Variants in TSNAXIP1 observed in about 807,000 individuals in gnomAD.
The protein encoded by TSNAXIP1 is translin-associated factor X-interacting protein 1.
TSNAXIP1 carries 89 observed loss-of-function variants against 84.8 expected under a neutral mutation model. The observed-to-expected ratio is 1.05, with a 90% CI of 0.88 to 1.25. The LOEUF is 1.25. TSNAXIP1 is among the 50% of genes most tolerant of loss of function. TSNAXIP1 has a pLI of 0.00. For missense variants in TSNAXIP1, 874 were observed against 887.6 expected (o/e 0.98, Z 0.20); for synonymous variants, 347 against 335.2 (o/e 1.04, Z -0.39).
chr16:67,820,692 C>G, intron 2 of TSNAXIP1, 147 bp from the exon 3 acceptor site: 1 of 546,722 alleles, frequency 1.8e-6, no homozygotes, highest in Non-Finnish European at 3.1e-6. Flanking sequence ...TGCAGTGAGC[C>G]AAGATCGTGC....
Position 67,826,456 on chromosome 16 carries a change from C to A in TSNAXIP1, c.1295C>A (p.Pro432His), listed in dbSNP as rs763142409. Reference protein sequence around the residue: ...FPGLGYGEAIPAFLRFDGLVE... With the variant: ...FPGLGYGEAIHAFLRFDGLVE... ...TCCTAGGGCTATGGGGAAGCCATCC[C>A]TGCTTTTCTTCGGTTTGATGGCCTC... The change falls in exon 11 of 16, where the codon CCT (proline) becomes CAT (histidine). Residue 432 changes from proline to histidine, a missense_variant. Physicochemically the swap from Pro to His is moderately conservative, Grantham distance 77. Coordinates refer to ENST00000561639, the MANE Select transcript of TSNAXIP1 (RefSeq NM_001288990.3). 1.9e-6 allele frequency: 3 copies of A among 1,613,938 alleles called. No individual in the cohort carries two copies. Among genetic ancestry groups the A allele is most frequent in the Non-Finnish European group, 2.5e-6 (3 of 1,180,020 alleles).
In TSNAXIP1 at chr16:67,827,885, T is replaced by C. The variant is rs1598130568; in HGVS notation, c.2031T>C (p.Gly677=). Residue 677 remains glycine, a synonymous_variant, in exon 16 of 16, where the codon GGT becomes GGC. Transcript: ENST00000561639. ...QLPESEMPEE[G]DEKEEAVVEI... ...CTGAGTCGGAAATGCCAGAGGAGGG[T>C]GACGAGAAGGAAGAAGCCGTGGTGG... 1 of 1,612,986 alleles carries C rather than the reference T, an allele frequency of 6.2e-7. No homozygotes were observed. Among genetic ancestry groups the C allele is most frequent in the Non-Finnish European group, 8.5e-7 (1 of 1,179,850 alleles).
rs375742176 is a variant in TSNAXIP1 at position 67,824,606 on chromosome 16, G to A, written c.505G>A (p.Ala169Thr). The change falls in exon 6 of 16, where the codon GCT becomes ACT. Residue 169 changes from alanine (A) to threonine (T), a missense_variant. By Grantham distance (58) the Ala-to-Thr change is moderately conservative. Transcript: ENST00000561639. ...MLAHQREKIR[A>T]LEPLKAKLVT... ...AGCCCACCAAAGGGAGAAGATTCGG[G>A]CTCTGGAGCCCCTGAAGGCCAAGCT... is the stretch of plus-strand genomic sequence containing the variant. 2.5e-6 allele frequency: 4 copies of A among 1,613,872 alleles called. No individual in the cohort carries two copies. In the African/African-American group the frequency reaches 5.3e-5, roughly 22 times the overall value.
At chr16:67,811,766 G>T (rs886772314) in intron 1 of TSNAXIP1, among the ~76,000 whole-genome samples, 1 of 151,976 alleles carries the variant, frequency 6.6e-6, no homozygotes, top group South Asian at 2.1e-4. Flanking sequence ...TGATAAGAAG[G>T]TATTGATTTA....
rs2057424075 is a variant in TSNAXIP1, at chr16:67,826,139, T to C, written c.1145-13T>C. The stretch of plus-strand genomic sequence containing the variant: ...TGTGGGCCCAGACTCCAGCTCCCTC[T>C]CCCCACATGCAGATGTGGTGGCTGG... On this transcript the variant is annotated splice_polypyrimidine_tract_variant and intron_variant, in intron 9 of 15. Coordinates refer to ENST00000561639, the MANE Select transcript of TSNAXIP1 (RefSeq NM_001288990.3). 1 of 1,613,120 alleles carries C rather than the reference T, an allele frequency of 6.2e-7. No homozygotes were observed. Among genetic ancestry groups the C allele is most frequent in the Non-Finnish European group, 8.5e-7 (1 of 1,179,486 alleles).
In TSNAXIP1 at chr16:67,807,168, C is replaced by G. The variant is rs1219582434; in HGVS notation, c.19C>G (p.Arg7Gly). The G allele has an allele frequency of 1.7e-5, 26 of 1,535,700 alleles. No homozygotes were observed. The highest frequency in any genetic ancestry group is 2.0e-5 in the Non-Finnish European group (23 of 1,146,888). The change falls in exon 1 of 16, where the codon CGG (arginine) becomes GGG (glycine). Residue 7 changes from arginine to glycine, a missense_variant. Coordinates refer to ENST00000561639, the MANE Select transcript of TSNAXIP1 (RefSeq NM_001288990.3). ...GTGGGTCATGGCCTGCCAGCAGTCG[C>G]GGTACCACAGCTTCTCGTCCGCGTC... MACQQS[R>G]YHSFSSASRL...
intron 1 of TSNAXIP1, among the ~76,000 whole-genome samples, chr16:67,808,871 G>C (rs932541278): frequency 4.6e-5 from 7 of 152,058 alleles, no homozygotes; most frequent in African/African-American, 9.7e-5. Context: ...GACCCAGAAA[G>C]AGAATCCCCA....
intron 1 of TSNAXIP1, among the ~76,000 whole-genome samples, 159 bp from the exon 2 acceptor site, chr16:67,814,143 A>C (rs2056349946): frequency 6.6e-6 from 1 of 152,218 alleles, no homozygotes; most frequent in South Asian, 2.1e-4. Context: ...TTTGGACCCA[A>C]GGCCAGGGAC....
Position 67,825,157 on chromosome 16 carries a change from C to T in TSNAXIP1, c.699C>T (p.Asn233=), listed in dbSNP as rs2057345625. Residue 233 remains asparagine (N), a synonymous_variant, in exon 7 of 16, where the codon AAC becomes AAT. Coordinates refer to ENST00000561639, the MANE Select transcript of TSNAXIP1 (RefSeq NM_001288990.3). ...LQSEVTKLRK[N]LAEEYLHYLS... is the part of the protein sequence containing the mutation. ...GCCAGGTGACCAAACTGAGGAAGAA[C>T]TTGGCTGAGGAGTACCTGCACTACC... 2 of 1,613,978 alleles carry T rather than the reference C, an allele frequency of 1.2e-6. No individual in the cohort carries two copies. The highest frequency in any genetic ancestry group is 2.7e-5 in the African/African-American group (2 of 74,926).
Position 67,818,848 on chromosome 16 carries a change from C to T in TSNAXIP1, c.148-1991C>T, listed in dbSNP as rs1453269506. Among the ~76,000 whole-genome samples the T allele has an allele frequency of 5.3e-5, 8 of 152,062 alleles. No individual in the cohort carries two copies. The East Asian group carries it at 1.2e-3, about 22-fold the overall frequency. ...CCTCCGAAATAGCTGGGATTACAGG[C>T]GTGCACTACCAGGCCTGGTTAATTT... On this transcript the variant is annotated intron_variant, in intron 2 of 15. Coordinates refer to ENST00000561639, the MANE Select transcript of TSNAXIP1 (RefSeq NM_001288990.3).
chr16:67,827,373 G>C lies in TSNAXIP1; in HGVS notation c.1789G>C (p.Glu597Gln), dbSNP rs2057540320. The C allele has an allele frequency of 6.2e-7, 1 of 1,614,100 alleles. No individual in the cohort carries two copies. The highest frequency in any genetic ancestry group is 1.3e-5 in the African/African-American group (1 of 74,944). The change falls in exon 14 of 16, where the codon GAG (glutamate) becomes CAG (glutamine). Residue 597 changes from glutamate to glutamine, a missense_variant and splice_region_variant. Transcript: ENST00000561639. The stretch of plus-strand genomic sequence containing the variant: ...GCTCAACTACCGCTCACTGTTTATG[G>C]AGGTGGGTGTGTGGGGTCCGGGGAC... ...DLLNYRSLFM[E>Q]DEEGQSEPFV...
chr16:67,817,932 C>T (rs1352586223), intron 2 of TSNAXIP1, among the ~76,000 whole-genome samples: 6 of 151,514 alleles, frequency 4.0e-5, no homozygotes, highest in African/African-American at 1.2e-4. Flanking sequence ...TAGTCTGGGC[C>T]GGGCGCAGTG....
intron 11 of TSNAXIP1, 36 bp from the exon 12 acceptor site, chr16:67,826,656 G>T: frequency 6.2e-7 from 1 of 1,611,400 alleles, no homozygotes; most frequent in Non-Finnish European, 8.5e-7. Context: ...CCAACCAACC[G>T]TAAGACTCTG....
Position 67,825,148 on chromosome 16 carries a change from G to C in TSNAXIP1, c.690G>C (p.Leu230=), listed in dbSNP as rs367742568. 2.9e-5 allele frequency: 46 copies of C among 1,613,886 alleles called. 1 individual carries two copies. The South Asian group carries it at 4.3e-4, about 15-fold the overall frequency. Residue 230 remains leucine (L), a synonymous_variant, in exon 7 of 16, where the codon CTG becomes CTC. Transcript: ENST00000561639. Reference sequence around the variant, plus strand: ...CACCTTCTTGCCAGGTGACCAAACTGAGGAAGAACTTGGCTGAGGAGTACC... The same window carrying C: ...CACCTTCTTGCCAGGTGACCAAACTCAGGAAGAACTTGGCTGAGGAGTACC... ...KISLQSEVTK[L]RKNLAEEYLH...
At chr16:67,816,000 T>TTG (rs2056518790) in intron 2 of TSNAXIP1, among the ~76,000 whole-genome samples, 1 of 124,810 alleles carries the variant, frequency 8.0e-6, no homozygotes, top group South Asian at 2.5e-4. Context: ...AGACGGAATC[T>TTG]CGCTGTCGCC....
chr16:67,816,445 T>C (rs1308252765), intron 2 of TSNAXIP1, among the ~76,000 whole-genome samples: 4 of 152,202 alleles, frequency 2.6e-5, no homozygotes, highest in Admixed American at 6.5e-5. Flanking sequence ...TCTGTGACCC[T>C]GACCCTCGTG....
intron 1 of TSNAXIP1, among the ~76,000 whole-genome samples, chr16:67,809,709 A>G (rs946266756): frequency 6.6e-6 from 1 of 152,098 alleles, no homozygotes; most frequent in Non-Finnish European, 1.5e-5. Flanking sequence ...ACACTTTAGG[A>G]GTCTGAGGTG....
At chr16:67,816,803 G>A (rs368997434) in intron 2 of TSNAXIP1, among the ~76,000 whole-genome samples, 1 of 151,952 alleles carries the variant, frequency 6.6e-6, no homozygotes, top group Non-Finnish European at 1.5e-5. Flanking sequence ...CCAGCCACCC[G>A]GGCGGAGATC....
At chr16:67,810,165 C>T (rs896954944) in intron 1 of TSNAXIP1, among the ~76,000 whole-genome samples, 8 of 152,052 alleles carry the variant, frequency 5.3e-5, no homozygotes, top group African/African-American at 1.9e-4. Flanking sequence ...CTGCAAGGGA[C>T]CTTCGAATTG....
Sources: gnomAD v4.1 joint callset for allele counts (sites outside exome capture counted in the v4.1 genomes callset) on GRCh38, gnomAD v4.1.1 for gene constraint, MANE v1.5 for transcripts, NCBI Gene and HGNC (gene_info 2026-07-23, HGNC 2026-07-21) for gene names.